BRSK2: variants seen among roughly 807,000 people sequenced by gnomAD.
BRSK2 encodes BR serine/threonine kinase 2, also known as serine/threonine-protein kinase BRSK2.
Under a neutral mutation model 83.3 loss-of-function variants are expected in BRSK2, and 19 were observed. The observed-to-expected ratio is 0.23, with a 90% CI of 0.16 to 0.33. The LOEUF (loss-of-function observed/expected upper bound fraction) is 0.33. Ranked by LOEUF, BRSK2 falls within the 10% of genes least tolerant of loss-of-function variation. BRSK2 has a pLI of 1.00. For missense variants in BRSK2, 798 were observed against 1,042.3 expected, an observed-to-expected ratio of 0.77 and a Z score of 3.23; for synonymous variants, 519 against 435.4, an observed-to-expected ratio of 1.19 and a Z score of -2.39.
intron 1 of BRSK2, chr11:1,411,734 G>C (rs963324785): frequency 2.2e-5 from 33 of 1,472,714 alleles, no homozygotes; most frequent in African/African-American, 2.8e-5. Flanking sequence ...GACCTCGCCA[G>C]CACTGGTGGG....
intron 5 of BRSK2, among the ~76,000 whole-genome samples, chr11:1,442,863 C>G (rs746899136): frequency 6.6e-6 from 1 of 152,122 alleles, no homozygotes; most frequent in Non-Finnish European, 1.5e-5. Context: ...CTTACATGCC[C>G]CTCTCCTGGG....
chr11:1,449,849 C>G lies in BRSK2; in HGVS notation c.1287+13C>G, dbSNP rs747979395. On this transcript the variant is annotated intron_variant, in intron 13 of 19. Coordinates refer to ENST00000528841, the MANE Select transcript of BRSK2 (RefSeq NM_001256627.2). ...CAGCAGCCCCCGGGTGAGTGACCCC[C>G]CGCCCCCACCCAGCTCGGATGCACA... 3 of 1,598,326 alleles carry G rather than the reference C, an allele frequency of 1.9e-6. No homozygotes were observed. Among genetic ancestry groups the G allele is most frequent in the Admixed American group, 3.3e-5 (2 of 59,754 alleles).
intron 1 of BRSK2, among the ~76,000 whole-genome samples, chr11:1,409,168 G>C (rs1274248185): frequency 1.3e-5 from 2 of 152,188 alleles, no homozygotes; most frequent in African/African-American, 2.4e-5. Flanking sequence ...TTCCCTCTCT[G>C]TTTCTCTGCC....
At chr11:1,400,033 C>G (rs987722681) in intron 1 of BRSK2, among the ~76,000 whole-genome samples, 1 of 152,244 alleles carries the variant, frequency 6.6e-6, no homozygotes, top group Non-Finnish European at 1.5e-5. Flanking sequence ...GCACATATAA[C>G]AGAGAAACTC....
intron 1 of BRSK2, among the ~76,000 whole-genome samples, chr11:1,393,044 A>C (rs1453552464): frequency 6.6e-6 from 1 of 152,126 alleles, no homozygotes; most frequent in Non-Finnish European, 1.5e-5. Flanking sequence ...GTGGGAACCC[A>C]CCTGCAAAGG....
At chr11:1,425,582 G>A (rs781282003) in intron 1 of BRSK2, among the ~76,000 whole-genome samples, 5 of 152,118 alleles carry the variant, frequency 3.3e-5, no homozygotes, top group East Asian at 1.9e-4. Flanking sequence ...CGTTTCCTCC[G>A]TGCAGCCTGG....
chr11:1,390,401 G>A lies in BRSK2; in HGVS notation c.91+26G>A. The stretch of plus-strand genomic sequence containing the variant: ...GTGCGTGCGGCCGGGGCGGGGACCG[G>A]GGCCGGGGAGGCCGCGCTGGCAGCG... On this transcript the variant is annotated intron_variant, in intron 1 of 19. Transcript: ENST00000528841. This position sits in a 1 kb window ranked among gnomAD's most constrained non-coding sequence, Gnocchi z 6.8. 3.0e-6 allele frequency: 3 copies of A among 1,007,864 alleles called. No homozygotes were observed. The highest frequency in any genetic ancestry group is 2.4e-6 in the Non-Finnish European group (2 of 837,806). 62.4% of individuals were successfully genotyped at this position (1,007,864 alleles called of 1,614,324 possible).
Position 1,445,251 on chromosome 11 carries a change from C to T in BRSK2, c.813-43C>T, listed in dbSNP as rs546613132. The T allele has an allele frequency of 4.2e-4, 661 of 1,567,196 alleles. 12 individuals are homozygous for T. The South Asian group carries it at 6.6e-3, about 16-fold the overall frequency. On this transcript the variant is annotated intron_variant, in intron 9 of 19. Transcript: ENST00000528841. ...GTCCCACCCTCGCAGCCGCCCAGGC[C>T]CGGCCGGAGCTGATGAGCGGGTGGC...
At chr11:1,407,348 C>T (rs994534396) in intron 1 of BRSK2, among the ~76,000 whole-genome samples, 8 of 152,120 alleles carry the variant, frequency 5.3e-5, no homozygotes, top group East Asian at 1.9e-4. Context: ...CTGGCAACAC[C>T]GTGGTGTCCC....
Position 1,454,679 on chromosome 11 carries a change from GCCT to G in BRSK2, c.1668+76_1668+78del. 1 of 1,576,966 alleles carries G rather than the reference GCCT, an allele frequency of 6.3e-7. No individual in the cohort carries two copies. Among genetic ancestry groups the G allele is most frequent in the South Asian group, 1.1e-5 (1 of 89,184 alleles). On this transcript the variant is annotated intron_variant, in intron 16 of 19. Transcript: ENST00000528841. This position sits in a 1 kb window ranked among gnomAD's most constrained non-coding sequence, Gnocchi z 5.2. ...CACACGGCCCAGCCCCGAGAATCCA[GCCT>G]CCTCACGTAGACAGGACATGTCCAC...
Position 1,436,101 on chromosome 11 carries a change from C to T in BRSK2, c.153C>T (p.Asn51=). The T allele has an allele frequency of 6.4e-7, 1 of 1,558,762 alleles. No individual in the cohort carries two copies. Among genetic ancestry groups the T allele is most frequent in the Non-Finnish European group, 8.7e-7 (1 of 1,147,350 alleles). ...TCQKVAIKIV[N]REKLSESVLM... The stretch of plus-strand genomic sequence containing the variant: ...AGAAGGTGGCCATCAAGATCGTCAA[C>T]CGTGAGAAGCTCAGCGAGTCGGTGC... Residue 51 remains asparagine (N), a synonymous_variant, in exon 2 of 20, where the codon AAC becomes AAT. Transcript: ENST00000528841.
intron 1 of BRSK2, among the ~76,000 whole-genome samples, chr11:1,391,024 C>T (rs1024565755): frequency 6.6e-6 from 1 of 152,144 alleles, no homozygotes. Context: ...GGGACCTGAC[C>T]CGTGGAGCAG....
At chr11:1,453,542 G>A (rs776898928) in intron 15 of BRSK2, among the ~76,000 whole-genome samples, 6 of 152,236 alleles carry the variant, frequency 3.9e-5, no homozygotes, top group Non-Finnish European at 5.9e-5. Context: ...GACAGCCGCC[G>A]AGACCGGCAG....
intron 3 of BRSK2, among the ~76,000 whole-genome samples, chr11:1,439,927 T>C (rs1461906937): frequency 6.9e-6 from 1 of 145,958 alleles, no homozygotes; most frequent in African/African-American, 2.6e-5. Context: ...CACCACAACC[T>C]CTGCTCCCAT....
At position 1,423,012 on chromosome 11, in the gene BRSK2, G is replaced by A. The variant is rs117266612; in HGVS notation, c.92-13028G>A. 0.024 allele frequency among the ~76,000 whole-genome samples: 3,589 copies of A among 152,292 alleles called. 56 individuals are homozygous for A. The highest frequency in any genetic ancestry group is 0.033 in the Non-Finnish European group (2,245 of 68,004). On this transcript the variant is annotated intron_variant, in intron 1 of 19. Transcript: ENST00000528841. This position sits in a 1 kb window ranked among gnomAD's most constrained non-coding sequence, Gnocchi z 6.5. ...CCTGGGAAAGGGAACAGAGCTTTGC[G>A]AAGATCAAGGGGAGGGCAATGCAGC...
In BRSK2 at chr11:1,438,981, G is replaced by T. The variant is rs532161044; in HGVS notation, c.272+590G>T. Among the ~76,000 whole-genome samples the T allele has an allele frequency of 6.6e-6, 1 of 152,100 alleles. No homozygotes were observed. Among genetic ancestry groups the T allele is most frequent in the African/African-American group, 2.4e-5 (1 of 41,388 alleles). The stretch of plus-strand genomic sequence containing the variant: ...GGGAGCTCCTGGGAATGGGCACAGT[G>T]GTCACTCACGGCAGTCTCCTCTGTG... On this transcript the variant is annotated intron_variant, in intron 3 of 19. Coordinates refer to ENST00000528841, the MANE Select transcript of BRSK2 (RefSeq NM_001256627.2). The surrounding 1 kb of genome is among the most constrained non-coding windows in gnomAD (Gnocchi z 6.4).
chr11:1,458,362 T>C (rs1205991684), intron 18 of BRSK2, among the ~76,000 whole-genome samples: 1 of 151,994 alleles, frequency 6.6e-6, no homozygotes, highest in East Asian at 1.9e-4. Context: ...CTGCAGAGGC[T>C]CTTGGGGGTC....
In BRSK2 at chr11:1,442,538, C is replaced by T. The variant is rs1181512509; in HGVS notation, c.462C>T (p.Asn154=). The T allele has an allele frequency of 1.2e-6, 2 of 1,613,054 alleles. No homozygotes were observed. The highest frequency in any genetic ancestry group is 2.7e-5 in the African/African-American group (2 of 74,934). The change falls in exon 5 of 20, where the codon AAC becomes AAT. Residue 154 remains asparagine (N), a synonymous_variant. Transcript: ENST00000528841. Reference sequence around the variant, plus strand: ...ACCTCCTGCTGGACGAGAAGAACAACATCCGCATCGCAGACTTTGGCATGG... The same window carrying T: ...ACCTCCTGCTGGACGAGAAGAACAATATCCGCATCGCAGACTTTGGCATGG... The part of the protein sequence containing the change: ...PENLLLDEKN[N]IRIADFGMAS...
At position 1,447,013 on chromosome 11, in the gene BRSK2, G is replaced by T. The variant is rs147394922; in HGVS notation, c.1226+1106G>T. On this transcript the variant is annotated intron_variant, in intron 12 of 19. Coordinates refer to ENST00000528841, the MANE Select transcript of BRSK2 (RefSeq NM_001256627.2). ...CCTGTTCCAGCCCCAGCCCTGGCCA[G>T]AGTACTGGTGGTCCCAGTTCTGGCA... 5.5e-3 allele frequency among the ~76,000 whole-genome samples: 841 copies of T among 152,230 alleles called. 4 individuals are homozygous for T. The highest frequency in any genetic ancestry group is 8.8e-3 in the Non-Finnish European group (595 of 67,972).
Sources: allele counts gnomAD v4.1 joint callset (sites outside exome capture counted in the v4.1 genomes callset), GRCh38; gene constraint gnomAD v4.1.1; non-coding constraint Gnocchi (gnomAD v3.1); transcripts MANE v1.5; gene names NCBI Gene and HGNC (gene_info 2026-07-23, HGNC 2026-07-21).